The following KCNJ6 variants were observed in gnomAD, a reference collection of about 807,000 sequenced individuals.
KCNJ6 encodes the protein G protein-activated inward rectifier potassium channel 2.
In KCNJ6, 9 loss-of-function variants were observed where a neutral mutation model predicts 34.2. The observed-to-expected ratio is 0.26, with a 90% CI of 0.16 to 0.46. KCNJ6 has a LOEUF of 0.46. Among genes scored for constraint, KCNJ6 ranks in the 20% least tolerant of loss-of-function variants. The probability of loss-of-function intolerance (pLI) is 1.00; values close to 1 mark genes in which losing one functional copy is unlikely to be tolerated. For synonymous variants in KCNJ6, 196 were observed against 207.1 expected (o/e 0.95, Z 0.46); for missense variants, 236 against 531.3 (o/e 0.44, Z 5.46).
In KCNJ6 at chr21:37,617,102, T is replaced by TCTC. The variant is rs2054273893; in HGVS notation, c.*8056_*8057insGAG. 3.0e-5 allele frequency: 3 copies of TCTC among 100,522 alleles called. No homozygotes were observed. The highest frequency in any genetic ancestry group is 1.3e-4 in the African/African-American group (3 of 22,950). 6.2% of individuals were successfully genotyped at this position (100,522 alleles called of 1,614,324 possible). ...CTTTCTTTTTCTTTCTTTCTTTTCT[T>TCTC]TCTTTCTTTCCTTCTTCCTTCCTTC... On this transcript the variant is annotated 3_prime_UTR_variant, in exon 4 of 4. Transcript: ENST00000609713.
chr21:37,889,550 C>T (rs141400850), intron 1 of KCNJ6, among the ~76,000 whole-genome samples: 77 of 152,284 alleles, frequency 5.1e-4, no homozygotes, highest in African/African-American at 1.6e-3. Context: ...GCTGCCATGA[C>T]AAAGTACTAC....
Position 37,675,694 on chromosome 21 carries a change from C to T in KCNJ6, c.946+38517G>A, listed in dbSNP as rs537617481. Among the ~76,000 whole-genome samples the T allele has an allele frequency of 4.9e-4, 74 of 152,350 alleles. 4 individuals carry two copies. The South Asian group carries it at 0.012, about 26-fold the overall frequency. On this transcript the variant is annotated intron_variant, in intron 3 of 3. Transcript: ENST00000609713. This position sits in a 1 kb window ranked among gnomAD's most constrained non-coding sequence, Gnocchi z 4.2. ...GTAGTCACTAGGGGCTTTCGCTGCTCCTGGAAGCAATTTCAAACCAGCAAG... is the reference window on the plus strand; with the variant it reads ...GTAGTCACTAGGGGCTTTCGCTGCTTCTGGAAGCAATTTCAAACCAGCAAG...
At chr21:37,855,126 T>C (rs2123595443) in intron 1 of KCNJ6, among the ~76,000 whole-genome samples, 1 of 152,320 alleles carries the variant, frequency 6.6e-6, no homozygotes, top group African/African-American at 2.4e-5. Flanking sequence ...TCATACCGAG[T>C]ATGCTCTCTG....
At chr21:37,670,289 T>C (rs2054535540) in intron 3 of KCNJ6, among the ~76,000 whole-genome samples, 1 of 152,198 alleles carries the variant, frequency 6.6e-6, no homozygotes, top group African/African-American at 2.4e-5. Context: ...AGTTTTGAAA[T>C]GAGGAAGTGT....
intron 1 of KCNJ6, among the ~76,000 whole-genome samples, chr21:37,848,001 A>G (rs2055518402): frequency 6.6e-6 from 1 of 152,210 alleles, no homozygotes; most frequent in Admixed American, 6.5e-5. Context: ...GAGGAGCAGC[A>G]GGTCACAGGG....
In KCNJ6 at chr21:37,704,986, T is replaced by C. The variant is rs1393536656; in HGVS notation, c.946+9225A>G. 2.0e-5 allele frequency among the ~76,000 whole-genome samples: 3 copies of C among 152,094 alleles called. No homozygotes were observed. In the East Asian group the frequency reaches 5.8e-4, roughly 29 times the overall value. The stretch of plus-strand genomic sequence containing the variant: ...GGCACAGTCACCTGATAACACTGAA[T>C]TGGGTAGAACTGGAGGGTGGGAGCC... On this transcript the variant is annotated intron_variant, in intron 3 of 3. Transcript: ENST00000609713.
At chr21:37,727,046 G>C (rs1032742972) in intron 2 of KCNJ6, among the ~76,000 whole-genome samples, 6 of 152,346 alleles carry the variant, frequency 3.9e-5, no homozygotes, top group South Asian at 2.1e-4. Context: ...CAGGGACATG[G>C]AGAAGCAGCC....
chr21:37,770,720 T>A (rs979617827), intron 2 of KCNJ6, among the ~76,000 whole-genome samples: 20 of 152,190 alleles, frequency 1.3e-4, no homozygotes, highest in African/African-American at 3.9e-4. Context: ...AAATGAGTCA[T>A]GGAAGAAGGT....
chr21:37,687,677 G>A (rs983469490), intron 3 of KCNJ6, among the ~76,000 whole-genome samples: 2 of 152,058 alleles, frequency 1.3e-5, no homozygotes, highest in African/African-American at 4.8e-5. Context: ...TTTATTTGCT[G>A]CTTTGGTCTC....
At chr21:37,684,965 G>A (rs919246254) in intron 3 of KCNJ6, among the ~76,000 whole-genome samples, 1 of 152,028 alleles carries the variant, frequency 6.6e-6, no homozygotes. Flanking sequence ...TATTTTGCAG[G>A]TAAAATACCA....
intron 1 of KCNJ6, among the ~76,000 whole-genome samples, chr21:37,862,872 T>G (rs200644501): frequency 6.6e-6 from 1 of 152,284 alleles, no homozygotes; most frequent in East Asian, 1.9e-4. Flanking sequence ...CAGGACTGGC[T>G]CCAAGATGAA....
At chr21:37,880,918 A>G (rs2055704436) in intron 1 of KCNJ6, among the ~76,000 whole-genome samples, 1 of 152,198 alleles carries the variant, frequency 6.6e-6, no homozygotes, top group South Asian at 2.1e-4. Context: ...ACATGTGGAT[A>G]AGAGCCCATG....
chr21:37,748,505 T>C (rs1161047963), intron 2 of KCNJ6, among the ~76,000 whole-genome samples: 1 of 152,154 alleles, frequency 6.6e-6, no homozygotes, highest in East Asian at 1.9e-4. Context: ...TAACAGTGTT[T>C]TCCATTGACT....
intron 1 of KCNJ6, among the ~76,000 whole-genome samples, chr21:37,902,667 T>G (rs748039580): frequency 5.9e-5 from 9 of 152,168 alleles, no homozygotes; most frequent in African/African-American, 9.7e-5. Flanking sequence ...GAAGTTTGCA[T>G]CTGGCAGAGA....
At chr21:37,797,004 A>T (rs888769085) in intron 2 of KCNJ6, among the ~76,000 whole-genome samples, 3 of 151,546 alleles carry the variant, frequency 2.0e-5, no homozygotes, top group Non-Finnish European at 4.4e-5. Context: ...CTTGTTAGCC[A>T]GGATGGTCTC....
At chr21:37,889,386 C>T (rs377268792) in intron 1 of KCNJ6, among the ~76,000 whole-genome samples, 12 of 150,642 alleles carry the variant, frequency 8.0e-5, no homozygotes, top group African/African-American at 2.9e-4. Flanking sequence ...CCCCATGCTG[C>T]ATTCCTTGGT....
chr21:37,878,417 G>T (rs1410983323), intron 1 of KCNJ6, among the ~76,000 whole-genome samples: 1 of 152,222 alleles, frequency 6.6e-6, no homozygotes, highest in Non-Finnish European at 1.5e-5. Context: ...GCTTAGCAGT[G>T]TTCTGAGTTA....
intron 3 of KCNJ6, among the ~76,000 whole-genome samples, chr21:37,626,768 C>T (rs1264114588): frequency 6.6e-6 from 1 of 152,110 alleles, no homozygotes; most frequent in African/African-American, 2.4e-5. Context: ...GCCCATGATA[C>T]TTTTAGAGGC....
chr21:37,767,959 G>C (rs1341007482), intron 2 of KCNJ6, among the ~76,000 whole-genome samples: 2 of 152,164 alleles, frequency 1.3e-5, no homozygotes, highest in Non-Finnish European at 2.9e-5. Context: ...AGAGTCTAGA[G>C]GTCTGGGAAA....
Sources: gnomAD v4.1 joint callset for allele counts (sites outside exome capture counted in the v4.1 genomes callset) on GRCh38, gnomAD v4.1.1 for gene constraint, Gnocchi (gnomAD v3.1) non-coding constraint, MANE v1.5 for transcripts, NCBI Gene and HGNC (gene_info 2026-07-23, HGNC 2026-07-21) for gene names.